The following RPTOR variants were observed in gnomAD, a reference collection of about 807,000 sequenced individuals.
RPTOR encodes the protein regulatory associated protein of MTOR complex 1.
RPTOR carries 21 observed loss-of-function variants against 169.9 expected under a neutral mutation model. That is an observed-to-expected ratio of 0.12 (90% CI 0.09 to 0.18). The LOEUF (loss-of-function observed/expected upper bound fraction) is 0.18, where lower values mean the gene tolerates loss of function less well. Ranked by LOEUF, RPTOR falls within the 10% of genes least tolerant of loss-of-function variation. The probability of loss-of-function intolerance (pLI) is 1.00; values close to 1 mark genes in which losing one functional copy is unlikely to be tolerated. For synonymous variants in RPTOR, 732 were observed against 753.2 expected, an observed-to-expected ratio of 0.97 and a Z score of 0.46; for missense variants, 1,133 against 1,855.9, an observed-to-expected ratio of 0.61 and a Z score of 7.16.
intron 1 of RPTOR, among the ~76,000 whole-genome samples, chr17:80,570,967 AG>A (rs1163020382): frequency 2.6e-5 from 4 of 152,370 alleles, no homozygotes; most frequent in Admixed American, 1.3e-4. Context: ...CTAATTTGCA[AG>A]GCTAGATTTA....
chr17:80,810,893 T>C (rs538393921), intron 7 of RPTOR, among the ~76,000 whole-genome samples: 2 of 152,356 alleles, frequency 1.3e-5, no homozygotes, highest in African/African-American at 4.8e-5. Flanking sequence ...TAAGACAGCA[T>C]ATAGAAATGT....
In RPTOR at chr17:80,754,717, C is replaced by T. The variant is rs1475401569; in HGVS notation, c.830+532C>T. On this transcript the variant is annotated intron_variant, in intron 6 of 33. Transcript: ENST00000306801. This position sits in a 1 kb window ranked among gnomAD's most constrained non-coding sequence, Gnocchi z 4.2. ...AGAAGCCGCATTTCAGCCCCAACAT[C>T]CCCAGCAGAACGCACAGTGGGATAT... Among the ~76,000 whole-genome samples the T allele has an allele frequency of 6.6e-6, 1 of 152,190 alleles. No homozygotes were observed. Among genetic ancestry groups the T allele is most frequent in the African/African-American group, 2.4e-5 (1 of 41,446 alleles).
At chr17:80,585,158 T>A (rs2143384011) in intron 1 of RPTOR, among the ~76,000 whole-genome samples, 1 of 147,492 alleles carries the variant, frequency 6.8e-6, no homozygotes, top group East Asian at 2.0e-4. Flanking sequence ...CTTGTTTCAG[T>A]GCTTTGGTTT....
chr17:80,613,907 C>T (rs932348156), intron 1 of RPTOR, among the ~76,000 whole-genome samples: 2 of 152,254 alleles, frequency 1.3e-5, no homozygotes, highest in African/African-American at 4.8e-5. Flanking sequence ...GCGTCTATCG[C>T]AGCATCATCT....
chr17:80,880,604 C>A, intron 14 of RPTOR, 115 bp downstream of exon 14: 1 of 953,524 alleles, frequency 1.0e-6, no homozygotes. Flanking sequence ...GGTCAAGGGT[C>A]ACAGCAGGGG....
intron 5 of RPTOR, among the ~76,000 whole-genome samples, chr17:80,736,433 G>GC (rs973626475): frequency 4.6e-5 from 7 of 151,990 alleles, no homozygotes; most frequent in Non-Finnish European, 1.0e-4. Flanking sequence ...TGACTTAACC[G>GC]CCCCCCGCCC....
intron 17 of RPTOR, among the ~76,000 whole-genome samples, chr17:80,885,493 A>G (rs1301017719): frequency 2.0e-5 from 3 of 151,572 alleles, no homozygotes; most frequent in Non-Finnish European, 1.5e-5. Context: ...GTCCCCCCCA[A>G]CACCCCATGT....
intron 1 of RPTOR, among the ~76,000 whole-genome samples, chr17:80,553,644 G>C (rs2084371432): frequency 6.6e-6 from 1 of 152,100 alleles, no homozygotes; most frequent in Non-Finnish European, 1.5e-5. Context: ...ACCAATCCAT[G>C]ATATTATAAA....
chr17:80,580,129 T>G lies in RPTOR; in HGVS notation c.162+34338T>G, dbSNP rs546073326. Among the ~76,000 whole-genome samples the G allele has an allele frequency of 3.9e-5, 6 of 152,346 alleles. No individual in the cohort carries two copies. The East Asian group carries it at 1.2e-3, about 29-fold the overall frequency. The stretch of plus-strand genomic sequence containing the variant: ...GACTCTTTGGAAATACATGCATATA[T>G]TTCATTATTGGGAATTACCAATAAT... On this transcript the variant is annotated intron_variant, in intron 1 of 33. Coordinates refer to ENST00000306801, the MANE Select transcript of RPTOR (RefSeq NM_020761.3).
At position 80,636,571 on chromosome 17, in the gene RPTOR, C is replaced by T. The variant is rs553286586; in HGVS notation, c.266-7157C>T. Among the ~76,000 whole-genome samples the T allele has an allele frequency of 9.2e-5, 14 of 152,268 alleles. No homozygotes were observed. In the South Asian group the frequency reaches 2.9e-3, roughly 32 times the overall value. On this transcript the variant is annotated intron_variant, in intron 2 of 33. Coordinates refer to ENST00000306801, the MANE Select transcript of RPTOR (RefSeq NM_020761.3). ...GCAGAAGTGTGCGTCTAGTTCCCTCCAGCCCTTTTATGAAACACGATCGCC... is the reference window on the plus strand; with the variant it reads ...GCAGAAGTGTGCGTCTAGTTCCCTCTAGCCCTTTTATGAAACACGATCGCC...
chr17:80,899,521 G>C (rs1177770454), intron 20 of RPTOR, among the ~76,000 whole-genome samples: 1 of 152,238 alleles, frequency 6.6e-6, no homozygotes, highest in Non-Finnish European at 1.5e-5. Flanking sequence ...CCTCCAGCAG[G>C]TTAGTGCCAC....
chr17:80,838,100 G>T (rs1023042648), intron 10 of RPTOR, 103 bp downstream of exon 10: 2 of 919,738 alleles, frequency 2.2e-6, no homozygotes, highest in Non-Finnish European at 3.3e-6. Flanking sequence ...CAGGACTCTC[G>T]GGTGTCAGAT....
chr17:80,805,318 GA>G (rs1177270433), intron 7 of RPTOR: 1 of 152,322 alleles, frequency 6.6e-6, no homozygotes, highest in Non-Finnish European at 1.5e-5. Flanking sequence ...TTTTTGCAGA[GA>G]AGCTCCCTGA....
At chr17:80,672,390 G>A (rs2065828768) in intron 3 of RPTOR, among the ~76,000 whole-genome samples, 1 of 145,366 alleles carries the variant, frequency 6.9e-6, no homozygotes, top group African/African-American at 2.6e-5. Flanking sequence ...TTTTTTAAAT[G>A]GTTACCTCAT....
intron 17 of RPTOR, among the ~76,000 whole-genome samples, chr17:80,891,318 G>A (rs2068320190): frequency 1.3e-5 from 2 of 152,274 alleles, no homozygotes; most frequent in South Asian, 2.1e-4. Context: ...CAGAAAGGCC[G>A]CCAGCCATCG....
chr17:80,789,909 A>G (rs2067030160), intron 6 of RPTOR, among the ~76,000 whole-genome samples: 1 of 152,236 alleles, frequency 6.6e-6, no homozygotes. Context: ...TGATTCTGTC[A>G]TTACTGGACT....
chr17:80,892,683 T>G (rs371232377), intron 18 of RPTOR, 46 bp from the exon 19 acceptor site: 28 of 1,599,040 alleles, frequency 1.8e-5, no homozygotes, highest in Non-Finnish European at 2.4e-5. Flanking sequence ...CACGCTGGCC[T>G]CCACCTGGAA....
Position 80,730,613 on chromosome 17 carries a change from C to G in RPTOR, c.561C>G (p.Gly187=). 1.9e-6 allele frequency: 3 copies of G among 1,614,102 alleles called. No individual in the cohort carries two copies. Among genetic ancestry groups the G allele is most frequent in the Non-Finnish European group, 2.5e-6 (3 of 1,180,002 alleles). ...TATATGACCTGCAGACGTGGATGGG[C>G]AGCCCGTCGATCTTCGTCTACGACT... ...LSIYDLQTWM[G]SPSIFVYDCS... Residue 187 remains glycine, a synonymous_variant, in exon 5 of 34, where the codon GGC becomes GGG. Transcript: ENST00000306801. The surrounding 1 kb of genome is among the most constrained non-coding windows in gnomAD (Gnocchi z 4.2).
At chr17:80,884,366 G>C (rs1329413606) in intron 16 of RPTOR, among the ~76,000 whole-genome samples, 1 of 152,232 alleles carries the variant, frequency 6.6e-6, no homozygotes, top group Admixed American at 6.5e-5. Flanking sequence ...AAGGTGCGGG[G>C]CACTGCCCAC....
Sources: allele counts gnomAD v4.1 joint callset (sites outside exome capture counted in the v4.1 genomes callset), GRCh38; gene constraint gnomAD v4.1.1; non-coding constraint Gnocchi (gnomAD v3.1); transcripts MANE v1.5; gene names NCBI Gene and HGNC (gene_info 2026-07-23, HGNC 2026-07-21).